The following NDE1 variants were observed in gnomAD, a reference collection of about 807,000 sequenced individuals.
The protein encoded by NDE1 is nuclear distribution protein nudE homolog 1.
Under a neutral mutation model 43.4 loss-of-function variants are expected in NDE1, and 28 were observed. That is an observed-to-expected ratio of 0.65 (90% confidence interval 0.48 to 0.89). The LOEUF (loss-of-function observed/expected upper bound fraction) is 0.89. NDE1 is among the 40% of genes least tolerant of loss of function. The probability of loss-of-function intolerance (pLI) is 0.00; values close to 1 mark genes in which losing one functional copy is unlikely to be tolerated. For synonymous variants in NDE1, 184 were observed against 172.0 expected, an observed-to-expected ratio of 1.07 and a Z score of -0.55; for missense variants, 441 against 434.1, an observed-to-expected ratio of 1.02 and a Z score of -0.14.
In NDE1 at chr16:15,703,571, G is replaced by C. The variant is rs12932063; in HGVS notation, c.947+6711G>C. On this transcript the variant is annotated intron_variant, in intron 8 of 8. Coordinates refer to ENST00000396354, the MANE Select transcript of NDE1 (RefSeq NM_017668.3). Reference sequence around the variant, plus strand: ...TCATACAAACTTCAATTTTTACCTTGAATACAGGGGTAGTAGGGGTGGTGG... The same window carrying C: ...TCATACAAACTTCAATTTTTACCTTCAATACAGGGGTAGTAGGGGTGGTGG... 11,457 of 340,898 alleles carry C rather than the reference G, an allele frequency of 0.034. 302 individuals are homozygous for C. Among genetic ancestry groups the C allele is most frequent in the South Asian group, 0.076 (1,781 of 23,374 alleles). 21.1% of individuals were successfully genotyped at this position (340,898 alleles called of 1,614,324 possible).
chr16:15,671,448 T>G (rs1006662252), intron 3 of NDE1, among the ~76,000 whole-genome samples: 3 of 152,178 alleles, frequency 2.0e-5, no homozygotes, highest in Non-Finnish European at 4.4e-5. Flanking sequence ...AGGTTGAGGC[T>G]GCAGTGAGCT....
chr16:15,687,533 C>G (rs779223151), intron 5 of NDE1, 22 bp downstream of exon 5: 1 of 1,600,156 alleles, frequency 6.2e-7, no homozygotes, highest in Admixed American at 1.7e-5. Context: ...TTGGTGTCTT[C>G]ACCAGCATGG....
chr16:15,710,694 TTTTTG>T (rs2151179447), intron 8 of NDE1, among the ~76,000 whole-genome samples: 1 of 151,442 alleles, frequency 6.6e-6, no homozygotes, highest in African/African-American at 2.4e-5. Flanking sequence ...TTTTGTTTTT[TTTTTG>T]GAGACAGAGT....
upstream of NDE1, among the ~76,000 whole-genome samples, chr16:15,645,634 A>G (rs897515056): frequency 7.2e-5 from 11 of 152,266 alleles, no homozygotes; most frequent in Non-Finnish European, 4.4e-5. Context: ...CAAAATACAT[A>G]AATTTTCTCT....
chr16:15,645,171 C>T (rs565470298), intron 1 of NDE1, among the ~76,000 whole-genome samples: 5 of 152,234 alleles, frequency 3.3e-5, no homozygotes, highest in South Asian at 2.1e-4. Context: ...CCTCCCGCCT[C>T]GGCCTCTTTA....
intron 8 of NDE1, chr16:15,718,064 T>C: frequency 1.7e-6 from 1 of 582,668 alleles, no homozygotes; most frequent in South Asian, 2.0e-5. Context: ...GGGATGGCCG[T>C]GAGGTACGGG....
At chr16:15,676,705 C>T (rs2037899235) in intron 3 of NDE1, among the ~76,000 whole-genome samples, 1 of 152,086 alleles carries the variant, frequency 6.6e-6, no homozygotes, top group East Asian at 1.9e-4. Context: ...AGGGAGTTGC[C>T]CAGGCCGGAG....
chr16:15,646,019 T>C (rs1237213287), upstream of NDE1, among the ~76,000 whole-genome samples: 1 of 152,208 alleles, frequency 6.6e-6, no homozygotes, highest in African/African-American at 2.4e-5. Context: ...GAAAAACATT[T>C]TAAATGTTTT....
At chr16:15,721,452 C>G in intron 8 of NDE1, 1 of 1,614,170 alleles carries the variant, frequency 6.2e-7, no homozygotes, top group Non-Finnish European at 8.5e-7. Context: ...TGGAGCTGAC[C>G]AGGTCTTCCA....
Position 15,724,506 on chromosome 16 carries a change from C to G in NDE1, c.*255C>G, listed in dbSNP as rs2040648928. 6.2e-7 allele frequency: 1 copy of G among 1,607,482 alleles called. No homozygotes were observed. The highest frequency in any genetic ancestry group is 1.7e-5 in the Admixed American group (1 of 59,962). On this transcript the variant is annotated 3_prime_UTR_variant, in exon 9 of 9. Coordinates refer to ENST00000396354, the MANE Select transcript of NDE1 (RefSeq NM_017668.3). Reference sequence around the variant, plus strand: ...CTGAGAAGCGAAGACCATGTCTCCTCGTTGGAGAAACCCAATAGCAGGGGA... The same window carrying G: ...CTGAGAAGCGAAGACCATGTCTCCTGGTTGGAGAAACCCAATAGCAGGGGA...
chr16:15,680,055 G>A (rs1164619965), intron 4 of NDE1, among the ~76,000 whole-genome samples: 1 of 152,180 alleles, frequency 6.6e-6, no homozygotes, highest in African/African-American at 2.4e-5. Context: ...CTGGGATTAC[G>A]GGCTTGAGCC....
At chr16:15,667,460 G>A (rs1030198062) in intron 3 of NDE1, 21 bp downstream of exon 3, 1 of 1,613,052 alleles carries the variant, frequency 6.2e-7, no homozygotes, top group African/African-American at 1.3e-5. Flanking sequence ...GAGAGGAAGT[G>A]TGCTCAGGTG....
chr16:15,705,426 G>GA (rs2039394337), intron 8 of NDE1, among the ~76,000 whole-genome samples: 1 of 152,050 alleles, frequency 6.6e-6, no homozygotes, highest in South Asian at 2.1e-4. Flanking sequence ...CTTTGGGTAG[G>GA]AGGAAGAGAG....
intron 8 of NDE1, among the ~76,000 whole-genome samples, chr16:15,702,504 CT>C (rs1246739836): frequency 6.6e-6 from 1 of 151,962 alleles, no homozygotes; most frequent in Non-Finnish European, 1.5e-5. Flanking sequence ...ATCCTCCTGC[CT>C]TAGCCTTCCA....
At position 15,725,151 on chromosome 16, in the gene NDE1, A is replaced by C. The variant is rs867963750; in HGVS notation, c.*900A>C. 4.7e-6 allele frequency: 3 copies of C among 641,764 alleles called. No individual in the cohort carries two copies. Among genetic ancestry groups the C allele is most frequent in the South Asian group, 3.6e-5 (2 of 56,036 alleles). The allele number at this position is 641,764 out of a possible 1,614,324, so 39.8% of individuals were successfully genotyped here. A position where few individuals can be genotyped will look rare whatever the true frequency, so the allele number is the denominator to read the frequency against. ...GACTCTGATAAAAAAAAAAAAAAAC[A>C]CACACACACACAAAAAAAACAGAAT... On this transcript the variant is annotated 3_prime_UTR_variant, in exon 9 of 9. Coordinates refer to ENST00000396354, the MANE Select transcript of NDE1 (RefSeq NM_017668.3).
rs1476240177 is a variant in NDE1 at position 15,663,522 on chromosome 16, G to C, written c.-43-1214G>C. On this transcript the variant is annotated intron_variant, in intron 1 of 8. Coordinates refer to ENST00000396354, the MANE Select transcript of NDE1 (RefSeq NM_017668.3). ...CTCCCAGTGTGCTGGGATTACAGGC[G>C]TGAGCCACTGCACCTGGCTTTTTCA... is the stretch of plus-strand genomic sequence containing the variant. Among the ~76,000 whole-genome samples the C allele has an allele frequency of 3.3e-5, 5 of 151,958 alleles. No homozygotes were observed. In the South Asian group the frequency reaches 1.0e-3, roughly 31 times the overall value.
chr16:15,726,210 T>C lies in NDE1; in HGVS notation c.*1959T>C, dbSNP rs1053364759. On this transcript the variant is annotated 3_prime_UTR_variant, in exon 9 of 9. Coordinates refer to ENST00000396354, the MANE Select transcript of NDE1 (RefSeq NM_017668.3). ...TCATTTGTGTGATTATTCATGTCTT[T>C]CCCTTCCCTTCCCTTCCCCTTACTC... 5 of 154,392 alleles carry C rather than the reference T, an allele frequency of 3.2e-5. No individual in the cohort carries two copies. The highest frequency in any genetic ancestry group is 1.2e-4 in the African/African-American group (5 of 41,442). The allele number at this position is 154,392 out of a possible 1,614,324, so 9.6% of individuals were successfully genotyped here. A position where few individuals can be genotyped will look rare whatever the true frequency, so the allele number is the denominator to read the frequency against.
chr16:15,721,743 G>T, intron 8 of NDE1: 2 of 1,113,374 alleles, frequency 1.8e-6, no homozygotes, highest in Non-Finnish European at 2.7e-6. Context: ...TGAGGTGCAG[G>T]TGTAAGCAGT....
At chr16:15,672,942 G>T (rs2037672959) in intron 3 of NDE1, among the ~76,000 whole-genome samples, 1 of 152,196 alleles carries the variant, frequency 6.6e-6, no homozygotes, top group Non-Finnish European at 1.5e-5. Context: ...CAGCAGGGAT[G>T]TGGTCCGCCC....
Sources: gnomAD v4.1 joint callset for allele counts (sites outside exome capture counted in the v4.1 genomes callset) on GRCh38, gnomAD v4.1.1 for gene constraint, MANE v1.5 for transcripts, NCBI Gene and HGNC (gene_info 2026-07-23, HGNC 2026-07-21) for gene names.